Variants in ANO4 observed in about 807,000 individuals in gnomAD.
The protein encoded by ANO4 is anoctamin 4.
In ANO4, 69 loss-of-function variants were observed where a neutral mutation model predicts 141.9. That is an observed-to-expected ratio of 0.49 (90% CI 0.40 to 0.59). The LOEUF (loss-of-function observed/expected upper bound fraction) is 0.59. Among genes scored for constraint, ANO4 ranks in the 20% least tolerant of loss-of-function variants. ANO4 has a pLI of 0.00. For missense variants in ANO4, 894 were observed against 1,162.2 expected (o/e 0.77, Z 3.36); for synonymous variants, 350 against 394.3 (o/e 0.89, Z 1.33).
upstream of ANO4, among the ~76,000 whole-genome samples, chr12:100,790,893 G>A (rs2034024697): frequency 6.6e-6 from 1 of 152,186 alleles, no homozygotes; most frequent in African/African-American, 2.4e-5. Context: ...ACCTCTGATA[G>A]GGAAACATTA....
At chr12:100,766,898 G>A (rs1287441163) in intron 3 of ANO4, among the ~76,000 whole-genome samples, 1 of 152,038 alleles carries the variant, frequency 6.6e-6, no homozygotes, top group African/African-American at 2.4e-5. Context: ...GCTAAGCACT[G>A]GGTACATATA....
intron 2 of ANO4, among the ~76,000 whole-genome samples, chr12:100,909,001 C>T (rs1254620594): frequency 6.6e-6 from 1 of 152,160 alleles, no homozygotes; most frequent in Non-Finnish European, 1.5e-5. Context: ...CTCTATTAAA[C>T]ATGGGTCTTA....
chr12:100,916,237 G>C (rs1044314519), intron 2 of ANO4, among the ~76,000 whole-genome samples: 2 of 152,030 alleles, frequency 1.3e-5, no homozygotes, highest in African/African-American at 4.8e-5. Context: ...AAGCCCTTTG[G>C]TACTTTGATA....
intron 14 of ANO4, chr12:101,067,121 CT>C (rs2048627462): frequency 3.0e-6 from 1 of 330,130 alleles, no homozygotes; most frequent in South Asian, 4.3e-5. Context: ...CTTATATCCA[CT>C]TTTTATAATG....
chr12:101,037,162 T>C lies in ANO4; in HGVS notation c.897+12T>C, dbSNP rs2047232742. The C allele has an allele frequency of 6.2e-7, 1 of 1,611,754 alleles. No homozygotes were observed. The highest frequency in any genetic ancestry group is 1.3e-5 in the African/African-American group (1 of 74,960). ...TTCCCCTGCATGAGGTATTGTGCTG[T>C]CTTTAATCTTTATCTTTCTTTCAAT... On this transcript the variant is annotated intron_variant, in intron 10 of 27. Coordinates refer to ENST00000392977, the MANE Select transcript of ANO4 (RefSeq NM_001286615.2).
chr12:100,868,428 C>T (rs1409912293), intron 1 of ANO4, among the ~76,000 whole-genome samples: 1 of 152,164 alleles, frequency 6.6e-6, no homozygotes, highest in Middle Eastern at 3.2e-3. Context: ...GTTTCTATTT[C>T]TGAGATTATT....
rs768006167 is a variant in ANO4, at chr12:101,040,092, G to C, written c.1019+16G>C. The C allele has an allele frequency of 6.3e-7, 1 of 1,597,604 alleles. No homozygotes were observed. ...ATCTTGTAAGGTGAGTTTTTAATCA[G>C]CTGCAAATATAAAGCTTGCACAGAA... On this transcript the variant is annotated intron_variant, in intron 11 of 27. Coordinates refer to ENST00000392977, the MANE Select transcript of ANO4 (RefSeq NM_001286615.2).
chr12:100,746,694 G>A lies in ANO4; in HGVS notation c.358+6589G>A, dbSNP rs527895383. 9.7e-4 allele frequency among the ~76,000 whole-genome samples: 148 copies of A among 152,232 alleles called. 1 individual carries two copies. The highest frequency in any genetic ancestry group is 2.0e-3 in the Admixed American group (30 of 15,284). On this transcript the variant is annotated intron_variant, in intron 3 of 29. Transcript: ENST00000644049. ...AAACATCCTACATGCACAAGACGTG[G>A]TCCCTAACTCATTGTCCCATGTTCA...
At chr12:100,792,519 C>T (rs1009245468), upstream of ANO4, among the ~76,000 whole-genome samples, 1 of 152,162 alleles carries the variant, frequency 6.6e-6, no homozygotes, top group Non-Finnish European at 1.5e-5. Flanking sequence ...CTGTACATTA[C>T]AAAAATTAAT....
At chr12:100,953,840 T>C (rs142947911) in intron 5 of ANO4, among the ~76,000 whole-genome samples, 33 of 152,112 alleles carry the variant, frequency 2.2e-4, no homozygotes, top group African/African-American at 7.7e-4. Flanking sequence ...CTATGCAGGC[T>C]GGCATGGGTG....
intron 22 of ANO4, among the ~76,000 whole-genome samples, chr12:101,105,217 C>G (rs2050393522): frequency 6.6e-6 from 1 of 152,160 alleles, no homozygotes; most frequent in Non-Finnish European, 1.5e-5. Flanking sequence ...TATGCCAGCA[C>G]TAGCCCAGCT....
At chr12:101,037,574 G>A (rs1337325833) in intron 10 of ANO4, among the ~76,000 whole-genome samples, 1 of 152,264 alleles carries the variant, frequency 6.6e-6, no homozygotes. Flanking sequence ...ACCAACGGGT[G>A]ACAAATAAAA....
At chr12:100,964,828 T>C (rs1395976262) in intron 5 of ANO4, among the ~76,000 whole-genome samples, 1 of 152,202 alleles carries the variant, frequency 6.6e-6, no homozygotes, top group Non-Finnish European at 1.5e-5. Flanking sequence ...CTATCTAAAA[T>C]AGCATCTCCT....
chr12:100,978,711 C>T (rs2044314960), intron 7 of ANO4, among the ~76,000 whole-genome samples: 1 of 152,170 alleles, frequency 6.6e-6, no homozygotes, highest in Non-Finnish European at 1.5e-5. Flanking sequence ...AAGGGCTTAG[C>T]ACTTAGCAGC....
chr12:100,861,431 T>C (rs1266843967), intron 1 of ANO4, among the ~76,000 whole-genome samples: 2 of 152,200 alleles, frequency 1.3e-5, no homozygotes, highest in South Asian at 2.1e-4. Flanking sequence ...TAAGTATTTG[T>C]GTATCTAAAC....
chr12:100,983,800 A>G (rs2044588931), intron 7 of ANO4, among the ~76,000 whole-genome samples: 2 of 152,130 alleles, frequency 1.3e-5, no homozygotes, highest in African/African-American at 2.4e-5. Flanking sequence ...TGCTCCCCCT[A>G]TCTTAAGGTC....
At chr12:100,745,181 C>G (rs2135481715) in intron 3 of ANO4, among the ~76,000 whole-genome samples, 1 of 152,336 alleles carries the variant, frequency 6.6e-6, no homozygotes, top group South Asian at 2.1e-4. Context: ...AGTACTTACA[C>G]TTGATTCTTT....
intron 4 of ANO4, among the ~76,000 whole-genome samples, chr12:100,942,104 C>T (rs1301681158): frequency 2.6e-5 from 4 of 151,784 alleles, no homozygotes; most frequent in Admixed American, 6.6e-5. Context: ...CCTCAGCCTC[C>T]AGAGTAGCTG....
intron 8 of ANO4, among the ~76,000 whole-genome samples, chr12:100,996,680 C>T (rs2045389061): frequency 2.0e-5 from 3 of 152,058 alleles, no homozygotes; most frequent in South Asian, 2.1e-4. Flanking sequence ...AGTGAAACTC[C>T]GTCTCAAAAG....
Sources: allele counts gnomAD v4.1 joint callset (sites outside exome capture counted in the v4.1 genomes callset), GRCh38; gene constraint gnomAD v4.1.1; transcripts MANE v1.5; gene names NCBI Gene and HGNC (gene_info 2026-07-23, HGNC 2026-07-21).